The following NPHP1 variants were observed in gnomAD, a reference collection of about 807,000 sequenced individuals.
The protein encoded by NPHP1 is nephrocystin 1, also known as nephrocystin-1.
NPHP1 carries 70 observed loss-of-function variants against 90.4 expected under a neutral mutation model. That is an observed-to-expected ratio of 0.77 (90% CI 0.64 to 0.95). The LOEUF (loss-of-function observed/expected upper bound fraction) is 0.95, where lower values mean the gene tolerates loss of function less well. Ranked by LOEUF, NPHP1 falls within the 40% of genes least tolerant of loss-of-function variation. The pLI is 0.00. For missense variants in NPHP1, 764 were observed against 795.9 expected (o/e 0.96, Z 0.48); for synonymous variants, 256 against 271.7 (o/e 0.94, Z 0.57).
chr2:110,130,812 TACTC>T (rs1679721997), intron 17 of NPHP1, among the ~76,000 whole-genome samples: 1 of 152,186 alleles, frequency 6.6e-6, no homozygotes. Context: ...TGTTAAATAT[TACTC>T]ACTCAAAGAA....
At chr2:110,136,580 C>T (rs1181503736) in intron 16 of NPHP1, among the ~76,000 whole-genome samples, 1 of 151,988 alleles carries the variant, frequency 6.6e-6, no homozygotes, top group African/African-American at 2.4e-5. Flanking sequence ...ACAATTGCTA[C>T]AAAGAGAATA....
chr2:110,131,509 A>G (rs925845986), intron 17 of NPHP1, among the ~76,000 whole-genome samples, 170 bp downstream of exon 17: 6 of 152,210 alleles, frequency 3.9e-5, no homozygotes, highest in Non-Finnish European at 8.8e-5. Flanking sequence ...ACAAAGCTCA[A>G]TGCTTTGGAT....
chr2:110,125,800 A>G (rs936295758), intron 18 of NPHP1, 119 bp from the exon 19 acceptor site: 1 of 835,490 alleles, frequency 1.2e-6, no homozygotes, highest in Middle Eastern at 2.3e-4. Flanking sequence ...TACAGATTCT[A>G]TACAAGCAAG....
intron 8 of NPHP1, chr2:110,163,359 T>C: frequency 1.8e-6 from 1 of 541,824 alleles, no homozygotes; most frequent in East Asian, 3.2e-5. Context: ...CGTGCAGAGC[T>C]GTGTGTTCCG....
intron 12 of NPHP1, among the ~76,000 whole-genome samples, chr2:110,148,369 GC>G (rs1681223489): frequency 6.6e-6 from 1 of 152,146 alleles, no homozygotes; most frequent in Non-Finnish European, 1.5e-5. Context: ...CTGAGCAGAT[GC>G]CTGTGCCATG....
At chr2:110,145,395 A>G (rs1680968025) in intron 14 of NPHP1, among the ~76,000 whole-genome samples, 1 of 152,006 alleles carries the variant, frequency 6.6e-6, no homozygotes, top group Non-Finnish European at 1.5e-5. Context: ...GCCTCAAGCA[A>G]TCCTCCCAGC....
intron 2 of NPHP1, chr2:110,184,245 G>A: frequency 5.2e-6 from 3 of 581,384 alleles, no homozygotes; most frequent in East Asian, 4.4e-5. Context: ...CAAAGCCAAG[G>A]AGCACCAAGG....
At chr2:110,153,087 A>T (rs760854679) in intron 11 of NPHP1, among the ~76,000 whole-genome samples, 5 of 152,200 alleles carry the variant, frequency 3.3e-5, no homozygotes, top group South Asian at 2.1e-4. Flanking sequence ...AGGTTAGCCA[A>T]CAGGAAAAAA....
chr2:110,172,965 T>TTTC (rs1385139511), intron 4 of NPHP1, among the ~76,000 whole-genome samples: 2 of 149,346 alleles, frequency 1.3e-5, no homozygotes, highest in African/African-American at 2.5e-5. Context: ...TCTTTTTCTT[T>TTTC]TTTTTTTTTT....
rs145101389 is a variant in NPHP1, at chr2:110,196,867, A to C, written c.143+4554T>G. ...ATGTCCTTTGAAGGGACATGGATGA[A>C]GCTGGAAACCATCATACTGAGCAAA... On this transcript the variant is annotated intron_variant, in intron 2 of 19. Coordinates refer to ENST00000445609, the MANE Select transcript of NPHP1 (RefSeq NM_001128178.3). Among the ~76,000 whole-genome samples the C allele has an allele frequency of 1.8e-3, 280 of 152,290 alleles. 1 individual carries two copies. The highest frequency in any genetic ancestry group is 4.0e-3 in the Admixed American group (61 of 15,288).
At chr2:110,164,759 A>T (rs775777863) in intron 7 of NPHP1, 29 bp from the exon 8 acceptor site, 15 of 1,576,366 alleles carry the variant, frequency 9.5e-6, no homozygotes, top group Non-Finnish European at 1.3e-5. Context: ...AAAGTGAGTC[A>T]GGTCAGGTTA....
intron 18 of NPHP1, chr2:110,128,771 G>A (rs991281382): frequency 2.4e-5 from 5 of 204,800 alleles, no homozygotes; most frequent in African/African-American, 7.0e-5. Context: ...GATTTCATAC[G>A]ATTTAACATA....
At chr2:110,166,048 G>T (rs1383770920) in intron 6 of NPHP1, among the ~76,000 whole-genome samples, 1 of 152,152 alleles carries the variant, frequency 6.6e-6, no homozygotes, top group Non-Finnish European at 1.5e-5. Context: ...AACCACTAAT[G>T]ACACTTTTTT....
intron 2 of NPHP1, among the ~76,000 whole-genome samples, chr2:110,188,655 A>G (rs1684458740): frequency 6.6e-6 from 1 of 152,186 alleles, no homozygotes; most frequent in Non-Finnish European, 1.5e-5. Context: ...AATTAGAAAA[A>G]GCTATTTTAA....
chr2:110,141,695 G>A (rs922747371), intron 16 of NPHP1, among the ~76,000 whole-genome samples: 12 of 152,024 alleles, frequency 7.9e-5, no homozygotes, highest in Admixed American at 2.0e-4. Flanking sequence ...TGGTAGGGCC[G>A]GATGCGGTGG....
chr2:110,144,355 A>C (rs1680861342), intron 15 of NPHP1, 138 bp downstream of exon 15: 1 of 652,348 alleles, frequency 1.5e-6, no homozygotes, highest in Non-Finnish European at 2.7e-6. Context: ...AATGATTAAA[A>C]TTTTTATATC....
At chr2:110,199,761 A>T (rs1390027528) in intron 2 of NPHP1, among the ~76,000 whole-genome samples, 1 of 152,206 alleles carries the variant, frequency 6.6e-6, no homozygotes, top group Non-Finnish European at 1.5e-5. Context: ...AATGGAATTA[A>T]CGAAATAATC....
At chr2:110,149,513 C>T (rs1302577549) in intron 12 of NPHP1, among the ~76,000 whole-genome samples, 1 of 152,124 alleles carries the variant, frequency 6.6e-6, no homozygotes, top group African/African-American at 2.4e-5. Context: ...TGGCTGGCCT[C>T]ATCCACACCC....
chr2:110,150,350 G>A (rs1056495139), intron 11 of NPHP1, 94 bp from the exon 12 acceptor site: 4 of 1,129,856 alleles, frequency 3.5e-6, no homozygotes, highest in Non-Finnish European at 5.4e-6. Context: ...GCTACACTAA[G>A]TGAGGAAGAT....
Sources: allele counts gnomAD v4.1 joint callset (sites outside exome capture counted in the v4.1 genomes callset), GRCh38; gene constraint gnomAD v4.1.1; transcripts MANE v1.5; gene names NCBI Gene and HGNC (gene_info 2026-07-23, HGNC 2026-07-21).